The following SIPA1L1 variants were observed in gnomAD, a reference collection of about 807,000 sequenced individuals.
SIPA1L1 encodes the protein signal-induced proliferation-associated 1-like protein 1.
SIPA1L1 carries 26 observed loss-of-function variants against 162.7 expected under a neutral mutation model. That is an observed-to-expected ratio of 0.16 (90% CI 0.12 to 0.22). SIPA1L1 has a LOEUF of 0.22. SIPA1L1 is among the 10% of genes least tolerant of loss of function. SIPA1L1 has a pLI of 1.00. For synonymous variants in SIPA1L1, 829 were observed against 837.4 expected, an observed-to-expected ratio of 0.99 and a Z score of 0.17; for missense variants, 1,874 against 2,241.0, an observed-to-expected ratio of 0.84 and a Z score of 3.31.
intron 13 of SIPA1L1, among the ~76,000 whole-genome samples, chr14:71,697,299 A>G (rs1484827230): frequency 6.6e-6 from 1 of 152,170 alleles, no homozygotes; most frequent in Non-Finnish European, 1.5e-5. Flanking sequence ...TCTTTGTGTT[A>G]TCAGGACCAG....
intron 5 of SIPA1L1, among the ~76,000 whole-genome samples, chr14:71,592,668 A>G (rs79068542): frequency 6.6e-6 from 1 of 152,222 alleles, no homozygotes. Flanking sequence ...TTACTAAAGT[A>G]TGCTATACAG....
In SIPA1L1 at chr14:71,661,318, G is replaced by A. The variant is rs1230970591; in HGVS notation, c.2106G>A (p.Arg702=). 4 of 1,612,778 alleles carry A rather than the reference G, an allele frequency of 2.5e-6. No homozygotes were observed. Among genetic ancestry groups the A allele is most frequent in the Admixed American group, 3.3e-5 (2 of 59,758 alleles). ...YTPNNKQQLL[R]KRHIGNDIVT... ...CTTATTTTTTCTTGTAGCTCCTGAG[G>A]AAGCGGCACATTGGAAATGATATCG... The change falls in exon 10 of 24, where the codon AGG becomes AGA. Residue 702 remains arginine (R), a synonymous_variant. Coordinates refer to ENST00000381232, the MANE Select transcript of SIPA1L1 (RefSeq NM_001386936.1).
rs761162970 is a variant in SIPA1L1 at position 71,733,730 on chromosome 14, C to T, written c.4926C>T (p.Pro1642=). 34 of 1,613,742 alleles carry T rather than the reference C, an allele frequency of 2.1e-5. No individual in the cohort carries two copies. The highest frequency in any genetic ancestry group is 3.3e-5 in the Admixed American group (2 of 60,002). ...AGGAGACCCGCAGGCAGCCTATGCC[C>T]GACCCTGGCCTGATGCCCCTGCCTG... The part of the protein sequence containing the change: ...DIQETRRQPM[P]DPGLMPLPDT... The change falls in exon 21 of 24, where the codon CCC becomes CCT. Residue 1642 remains proline (P), a synonymous_variant. Transcript: ENST00000381232.
intron 2 of SIPA1L1, among the ~76,000 whole-genome samples, chr14:71,449,150 A>T (rs2045630352): frequency 6.6e-6 from 1 of 152,192 alleles, no homozygotes; most frequent in Non-Finnish European, 1.5e-5. Flanking sequence ...CTTCATGGTG[A>T]TTAAAGCCAG....
At chr14:71,729,790 C>G (rs988858070) in intron 19 of SIPA1L1, among the ~76,000 whole-genome samples, 4 of 152,192 alleles carry the variant, frequency 2.6e-5, no homozygotes, top group Non-Finnish European at 5.9e-5. Flanking sequence ...TAACCACACA[C>G]GATCTTGATA....
intron 5 of SIPA1L1, among the ~76,000 whole-genome samples, chr14:71,594,308 A>C (rs1386552745): frequency 6.6e-6 from 1 of 152,222 alleles, no homozygotes; most frequent in African/African-American, 2.4e-5. Flanking sequence ...CTGTCAAATA[A>C]GCATCATTAA....
intron 2 of SIPA1L1, among the ~76,000 whole-genome samples, chr14:71,465,143 C>G (rs1018447161): frequency 8.5e-5 from 13 of 152,272 alleles, no homozygotes; most frequent in African/African-American, 3.1e-4. Context: ...ACTTAGTGTC[C>G]CCATTCCAAG....
chr14:71,531,568 GTTGTT>G, intron 4 of SIPA1L1, among the ~76,000 whole-genome samples: 1 of 151,796 alleles, frequency 6.6e-6, no homozygotes, highest in Non-Finnish European at 1.5e-5. Context: ...TTTTGTTTTT[GTTGTT>G]TTGTTTTTTA....
chr14:71,614,309 T>C (rs192699743), intron 5 of SIPA1L1, among the ~76,000 whole-genome samples: 17 of 152,184 alleles, frequency 1.1e-4, no homozygotes, highest in Admixed American at 3.3e-4. Context: ...ATTTAAATAG[T>C]ACATTAGGAT....
At chr14:71,519,257 C>T (rs368595645) in intron 3 of SIPA1L1, among the ~76,000 whole-genome samples, 33 of 152,060 alleles carry the variant, frequency 2.2e-4, no homozygotes, top group African/African-American at 7.5e-4. Flanking sequence ...TGTGATTGCA[C>T]CACTGCACTT....
chr14:71,727,303 G>A (rs533072525), intron 19 of SIPA1L1, among the ~76,000 whole-genome samples: 1 of 152,222 alleles, frequency 6.6e-6, no homozygotes, highest in African/African-American at 2.4e-5. Flanking sequence ...ATAGCCAGGG[G>A]CACTGAAAAG....
chr14:71,469,736 T>G (rs2047303124), intron 2 of SIPA1L1, among the ~76,000 whole-genome samples: 1 of 152,232 alleles, frequency 6.6e-6, no homozygotes, highest in Non-Finnish European at 1.5e-5. Context: ...GTATACCTCA[T>G]AGGGCAGTGT....
chr14:71,431,129 C>G (rs2043956459), intron 2 of SIPA1L1, among the ~76,000 whole-genome samples: 1 of 152,144 alleles, frequency 6.6e-6, no homozygotes. Flanking sequence ...AGCATGTTAA[C>G]TCCTACTCAC....
Position 71,702,390 on chromosome 14 carries a change from G to A in SIPA1L1, c.3531G>A (p.Val1177=), listed in dbSNP as rs760932536. 1.9e-6 allele frequency: 3 copies of A among 1,613,952 alleles called. No homozygotes were observed. In the East Asian group the frequency reaches 6.7e-5, roughly 36 times the overall value. ...GCGGAAATCACCACAGGTTTGGAGT[G>A]AGCCGTAGATCCCCAGCCTCCATTG... ...RQKSMPEGFG[V]SRRSPASIDR... is the part of the protein sequence containing the mutation. The change falls in exon 15 of 24, where the codon GTG becomes GTA. Residue 1177 remains valine (V), a synonymous_variant. Transcript: ENST00000381232.
chr14:71,463,241 A>C (rs1391602710), intron 2 of SIPA1L1, among the ~76,000 whole-genome samples: 12 of 152,114 alleles, frequency 7.9e-5, no homozygotes, highest in Non-Finnish European at 1.8e-4. Context: ...TTCCCTCCAT[A>C]ATAGCCCTCA....
At chr14:71,553,786 A>C (rs921873749) in intron 4 of SIPA1L1, among the ~76,000 whole-genome samples, 1 of 152,218 alleles carries the variant, frequency 6.6e-6, no homozygotes, top group Non-Finnish European at 1.5e-5. Context: ...ATAGAAAACA[A>C]ATATCAGAAT....
At chr14:71,685,846 T>C (rs1054936669) in intron 13 of SIPA1L1, among the ~76,000 whole-genome samples, 2 of 152,216 alleles carry the variant, frequency 1.3e-5, no homozygotes, top group African/African-American at 4.8e-5. Flanking sequence ...CTCTGCACAC[T>C]GGTATTTGTG....
chr14:71,589,015 T>G lies in SIPA1L1; in HGVS notation c.1143T>G (p.Ser381Arg). 1 of 1,614,060 alleles carries G rather than the reference T, an allele frequency of 6.2e-7. No individual in the cohort carries two copies. Among genetic ancestry groups the G allele is most frequent in the Non-Finnish European group, 8.5e-7 (1 of 1,179,978 alleles). The change falls in exon 5 of 24, where the codon AGT becomes AGG. Residue 381 changes from serine to arginine, a missense_variant. Physicochemically the swap from Ser to Arg is moderately radical, Grantham distance 110. Coordinates refer to ENST00000381232, the MANE Select transcript of SIPA1L1 (RefSeq NM_001386936.1). The stretch of plus-strand genomic sequence containing the variant: ...CTGGACCTCTGTCTCATTCAGCCAG[T>G]TTTAGCTCCCCAATGGGCAGCACAG... ...LVSGPLSHSASFSSPMGSTED... is the reference protein window; with the variant it reads ...LVSGPLSHSARFSSPMGSTED...
chr14:71,589,409 A>G (rs996369808), intron 5 of SIPA1L1, 39 bp downstream of exon 5: 1 of 1,365,730 alleles, frequency 7.3e-7, no homozygotes, highest in African/African-American at 1.4e-5. Context: ...TTTCTTTTGC[A>G]GTACTTTCTG....
Sources: allele counts gnomAD v4.1 joint callset (sites outside exome capture counted in the v4.1 genomes callset), GRCh38; gene constraint gnomAD v4.1.1; transcripts MANE v1.5; gene names NCBI Gene and HGNC (gene_info 2026-07-23, HGNC 2026-07-21).